GFM1: variants seen among roughly 807,000 people sequenced by gnomAD.
The protein encoded by GFM1 is G elongation factor mitochondrial 1, also known as elongation factor G, mitochondrial.
In GFM1, 62 loss-of-function variants were observed where a neutral mutation model predicts 96.2. The observed-to-expected ratio is 0.64, with a 90% CI of 0.53 to 0.80. The LOEUF (loss-of-function observed/expected upper bound fraction) is 0.80. Among genes scored for constraint, GFM1 ranks in the 30% least tolerant of loss-of-function variants. The pLI is 0.00. For synonymous variants in GFM1, 282 were observed against 312.9 expected, an observed-to-expected ratio of 0.90 and a Z score of 1.04; for missense variants, 852 against 916.6, an observed-to-expected ratio of 0.93 and a Z score of 0.91.
In GFM1 at chr3:158,692,516, G is replaced by A. The variant is rs1332446702; in HGVS notation, c.*1049G>A. 6.6e-6 allele frequency: 1 copy of A among 152,166 alleles called. No individual in the cohort carries two copies. The highest frequency in any genetic ancestry group is 1.5e-5 in the Non-Finnish European group (1 of 68,032). 9.4% of individuals were successfully genotyped at this position (152,166 alleles called of 1,614,324 possible). Reference sequence around the variant, plus strand: ...CATCCAAAAATCATCTGATGGTATAGATGGATCCTAGTCCTTTTCATTACC... The same window carrying A: ...CATCCAAAAATCATCTGATGGTATAAATGGATCCTAGTCCTTTTCATTACC... On this transcript the variant is annotated 3_prime_UTR_variant, in exon 18 of 18. Transcript: ENST00000486715.
intron 15 of GFM1, among the ~76,000 whole-genome samples, chr3:158,686,508 G>A (rs1053982835): frequency 6.7e-6 from 1 of 149,754 alleles, no homozygotes; most frequent in Non-Finnish European, 1.5e-5. Flanking sequence ...TTGTTCTAGG[G>A]TTAGAGGAAA....
rs577322182 is a variant in GFM1 at position 158,694,773 on chromosome 3, A to G, written c.*3306A>G. On this transcript the variant is annotated 3_prime_UTR_variant, in exon 18 of 18. Coordinates refer to ENST00000486715, the MANE Select transcript of GFM1 (RefSeq NM_024996.7). ...ACTGACTTTCAAAAGAACTTGTTCAACTTCTAAAAATTCGTAATTCAGGTA... is the reference window on the plus strand; with the variant it reads ...ACTGACTTTCAAAAGAACTTGTTCAGCTTCTAAAAATTCGTAATTCAGGTA... 6.6e-5 allele frequency among the ~76,000 whole-genome samples: 10 copies of G among 152,348 alleles called. No homozygotes were observed. Among genetic ancestry groups the G allele is most frequent in the African/African-American group, 1.9e-4 (8 of 41,586 alleles).
chr3:158,671,865 TTTGA>T (rs1724353054), intron 13 of GFM1, among the ~76,000 whole-genome samples: 3 of 152,362 alleles, frequency 2.0e-5, no homozygotes, highest in African/African-American at 4.8e-5. Context: ...ATTCTTTGAC[TTTGA>T]TTGTCAGTTT....
chr3:158,647,345 G>T (rs981336798), intron 4 of GFM1, among the ~76,000 whole-genome samples: 1 of 152,182 alleles, frequency 6.6e-6, no homozygotes, highest in African/African-American at 2.4e-5. Context: ...TAAGTAGTTT[G>T]CCATAGAGAT....
chr3:158,683,301 G>A (rs1322695237), intron 14 of GFM1, among the ~76,000 whole-genome samples: 2 of 152,170 alleles, frequency 1.3e-5, no homozygotes, highest in Non-Finnish European at 2.9e-5. Context: ...GTTTTGAAAT[G>A]TCAAGAAATA....
chr3:158,670,946 A>C, intron 13 of GFM1: 1 of 1,534,780 alleles, frequency 6.5e-7, no homozygotes, highest in Non-Finnish European at 8.8e-7. Context: ...GAAAAAAGAA[A>C]TTTAACTTAC....
intron 7 of GFM1, 42 bp from the exon 8 acceptor site, chr3:158,654,500 AATATC>A (rs781102893): frequency 1.1e-4 from 122 of 1,138,168 alleles, no homozygotes; most frequent in Non-Finnish European, 1.5e-4. Context: ...ATATAAAAGA[AATATC>A]ATATATTACA....
chr3:158,667,009 T>C (rs1266338394), intron 13 of GFM1: 3 of 1,597,046 alleles, frequency 1.9e-6, no homozygotes, highest in Admixed American at 1.8e-5. Context: ...AATTATACTT[T>C]ACCTGAGATG....
Position 158,645,760 on chromosome 3 carries a change from C to T in GFM1, c.213C>T (p.Gly71=), listed in dbSNP as rs1432873053. Residue 71 remains glycine, a synonymous_variant, in exon 2 of 18, where the codon GGC becomes GGT. Coordinates refer to ENST00000486715, the MANE Select transcript of GFM1 (RefSeq NM_024996.7). ...CAGAACGAGTCCTTTACTACACTGG[C>T]AGAATTGCAAAGATGCATGAGGTAT... ...TLTERVLYYT[G]RIAKMHEVKG... is the part of the protein sequence containing the mutation. 5 of 1,612,596 alleles carry T rather than the reference C, an allele frequency of 3.1e-6. No homozygotes were observed. In the South Asian group the frequency reaches 4.4e-5, roughly 14 times the overall value.
intron 15 of GFM1, among the ~76,000 whole-genome samples, chr3:158,687,890 G>C (rs960408980): frequency 6.6e-6 from 1 of 151,992 alleles, no homozygotes; most frequent in Non-Finnish European, 1.5e-5. Context: ...TAAAAGTCAG[G>C]TGAAAGGAAG....
chr3:158,656,103 C>T (rs1053823679), intron 8 of GFM1: 12 of 315,584 alleles, frequency 3.8e-5, no homozygotes, highest in Non-Finnish European at 6.3e-5. Context: ...ACATCATATC[C>T]AAGGTACAGA....
At chr3:158,669,457 G>C (rs1203830742) in intron 13 of GFM1, 2 of 1,612,886 alleles carry the variant, frequency 1.2e-6, no homozygotes, top group South Asian at 1.1e-5. Flanking sequence ...GCTTCTAGCG[G>C]TTCCTTCATG....
At chr3:158,668,692 C>CT (rs1394418501) in intron 13 of GFM1, among the ~76,000 whole-genome samples, 1 of 152,202 alleles carries the variant, frequency 6.6e-6, no homozygotes, top group East Asian at 1.9e-4. Flanking sequence ...TTCCTAGTCT[C>CT]TATGTTCCCA....
chr3:158,679,630 CTAAATTTTTTTTTCCTT>C (rs112353865), intron 13 of GFM1, among the ~76,000 whole-genome samples: 10 of 152,156 alleles, frequency 6.6e-5, no homozygotes, highest in African/African-American at 2.2e-4. Context: ...ATTTTTTTCT[CTAAATTTTTTTTTCCTT>C]TTGATGAGTC....
chr3:158,682,105 A>G lies in GFM1; in HGVS notation c.1712A>G (p.Asp571Gly), dbSNP rs1439921896. Residue 571 changes from aspartate (D) to glycine (G), a missense_variant, in exon 14 of 18, where the codon GAT (aspartate) becomes GGT (glycine). Coordinates refer to ENST00000486715, the MANE Select transcript of GFM1 (RefSeq NM_024996.7). ...GACTACACTAAATTGGAATTTTCAG[A>G]TGAAACATTCGGATCAAATATTCCA... ...PEDYTKLEFS[D>G]ETFGSNIPKQ... 1 of 1,613,834 alleles carries G rather than the reference A, an allele frequency of 6.2e-7. No individual in the cohort carries two copies. The highest frequency in any genetic ancestry group is 1.1e-5 in the South Asian group (1 of 91,080).
At chr3:158,646,668 C>CA (rs1721829421) in intron 3 of GFM1, 75 bp from the exon 4 acceptor site, 1 of 1,248,296 alleles carries the variant, frequency 8.0e-7, no homozygotes, top group African/African-American at 1.5e-5. Context: ...AGCAGAGATA[C>CA]AAAAACTTCT....
intron 4 of GFM1, among the ~76,000 whole-genome samples, chr3:158,648,105 A>G (rs992312394): frequency 6.6e-6 from 1 of 152,004 alleles, no homozygotes; most frequent in African/African-American, 2.4e-5. Flanking sequence ...CTTAATTTTC[A>G]TAAACTTTCT....
At position 158,646,300 on chromosome 3, in the gene GFM1, G is replaced by A. The variant is rs1721798070; in HGVS notation, c.367+3G>A. ...TATTAACATTATAGATACTCCTGGT[G>A]AGTTGGATTCTTGGTTTTATTGCAG... On this transcript the variant is annotated splice_donor_region_variant and intron_variant, in intron 3 of 17. Transcript: ENST00000486715. The A allele has an allele frequency of 6.2e-7, 1 of 1,613,974 alleles. No homozygotes were observed. Among genetic ancestry groups the A allele is most frequent in the Admixed American group, 1.7e-5 (1 of 60,002 alleles).
rs548977319 is a variant in GFM1 at position 158,672,548 on chromosome 3, G to A, written c.1601+6162G>A. ...CGGGACCAGTAGCAGAGCGCCGCCCGTCCTGCTTGCTGCTGGGTCCGGTTG... is the reference window on the plus strand; with the variant it reads ...CGGGACCAGTAGCAGAGCGCCGCCCATCCTGCTTGCTGCTGGGTCCGGTTG... On this transcript the variant is annotated intron_variant, in intron 13 of 17. Coordinates refer to ENST00000486715, the MANE Select transcript of GFM1 (RefSeq NM_024996.7). 1,674 of 1,587,178 alleles carry A rather than the reference G, an allele frequency of 1.1e-3. 2 individuals are homozygous for A. Among genetic ancestry groups the A allele is most frequent in the Admixed American group, 1.9e-3 (110 of 59,118 alleles).
Sources: allele counts gnomAD v4.1 joint callset (sites outside exome capture counted in the v4.1 genomes callset), GRCh38; gene constraint gnomAD v4.1.1; transcripts MANE v1.5; gene names NCBI Gene and HGNC (gene_info 2026-07-23, HGNC 2026-07-21).